Variants in PKD2L1 observed in about 807,000 individuals in gnomAD.
PKD2L1 encodes polycystin 2 like 1, transient receptor potential cation channel.
In PKD2L1, 77 loss-of-function variants were observed where a neutral mutation model predicts 93.0. That is an observed-to-expected ratio of 0.83 (90% CI 0.69 to 1.00). The LOEUF is 1.00. Among genes scored for constraint, PKD2L1 ranks in the 50% least tolerant of loss-of-function variants. PKD2L1 has a pLI of 0.00. For synonymous variants in PKD2L1, 390 were observed against 388.0 expected, an observed-to-expected ratio of 1.01 and a Z score of -0.06; for missense variants, 977 against 990.9, an observed-to-expected ratio of 0.99 and a Z score of 0.19.
intron 2 of PKD2L1, among the ~76,000 whole-genome samples, chr10:100,328,791 GTTGGC>G (rs1849436083): frequency 6.6e-6 from 1 of 152,198 alleles, no homozygotes; most frequent in African/African-American, 2.4e-5. Flanking sequence ...GTTTCGCCAT[GTTGGC>G]CAAGCTGGTC....
intron 7 of PKD2L1, among the ~76,000 whole-genome samples, chr10:100,295,897 G>A (rs1302264487): frequency 4.0e-5 from 6 of 151,654 alleles, no homozygotes; most frequent in South Asian, 2.1e-4. Context: ...TTAGCCAGGC[G>A]TGGTGGTGGG....
intron 7 of PKD2L1, 73 bp downstream of exon 7, chr10:100,296,046 AAAG>A: frequency 7.1e-7 from 1 of 1,401,968 alleles, no homozygotes; most frequent in Non-Finnish European, 9.8e-7. Flanking sequence ...AAAAAAAAAA[AAAG>A]AAAAAAAAGA....
Position 100,297,523 on chromosome 10 carries a change from A to T in PKD2L1, c.815T>A (p.Leu272Gln). 1 of 1,614,152 alleles carries T rather than the reference A, an allele frequency of 6.2e-7. No individual in the cohort carries two copies. Among genetic ancestry groups the T allele is most frequent in the Non-Finnish European group, 8.5e-7 (1 of 1,180,024 alleles). Reference protein sequence around the residue: ...LTSYSGGGYYLDLPGSRQGSA... With the variant: ...LTSYSGGGYYQDLPGSRQGSA... ...ACCCTGTCGGGATCCTGGAAGGTCC[A>T]GGTAGTAGCCACCTCCGCTGTAGCT... The change falls in exon 5 of 16, where the codon CTG becomes CAG. Residue 272 changes from leucine to glutamine, a missense_variant. Physicochemically the swap from Leu to Gln is moderately radical, Grantham distance 113. Coordinates refer to ENST00000318222, the MANE Select transcript of PKD2L1 (RefSeq NM_016112.3).
intron 2 of PKD2L1, among the ~76,000 whole-genome samples, chr10:100,311,675 C>T (rs1848937029): frequency 6.6e-6 from 1 of 152,144 alleles, no homozygotes; most frequent in Non-Finnish European, 1.5e-5. Flanking sequence ...TTCCCTGCCC[C>T]TAATATGTGA....
chr10:100,317,915 T>A (rs1849136434), intron 2 of PKD2L1, among the ~76,000 whole-genome samples: 1 of 151,604 alleles, frequency 6.6e-6, no homozygotes, highest in South Asian at 2.1e-4. Context: ...CCATCTCTAC[T>A]AAAAAAAACC....
chr10:100,323,427 C>T (rs535583116), intron 2 of PKD2L1, among the ~76,000 whole-genome samples: 71 of 152,198 alleles, frequency 4.7e-4, no homozygotes, highest in Non-Finnish European at 8.1e-4. Flanking sequence ...TGCCACCACA[C>T]GCGACTAATT....
intron 2 of PKD2L1, among the ~76,000 whole-genome samples, chr10:100,319,417 T>G (rs1849179313): frequency 1.3e-5 from 2 of 152,244 alleles, no homozygotes; most frequent in Admixed American, 6.5e-5. Context: ...GCTCTTTCCA[T>G]TATACAACTG....
chr10:100,293,461 G>A (rs1351345271), intron 9 of PKD2L1, 82 bp from the exon 10 acceptor site: 4 of 896,302 alleles, frequency 4.5e-6, no homozygotes, highest in Non-Finnish European at 7.5e-6. Flanking sequence ...TAATGTCCAA[G>A]ACACGTGTTC....
chr10:100,317,718 G>A (rs1849131411), intron 2 of PKD2L1, among the ~76,000 whole-genome samples: 1 of 152,092 alleles, frequency 6.6e-6, no homozygotes, highest in Admixed American at 6.5e-5. Flanking sequence ...ATGTTTCGGG[G>A]TAAGAGAGAA....
At chr10:100,302,280 C>CAT (rs57142312) in intron 2 of PKD2L1, among the ~76,000 whole-genome samples, 2,997 of 150,788 alleles carry the variant, frequency 0.02, 77 homozygotes, top group African/African-American at 0.065. Flanking sequence ...CACACACACA[C>CAT]ATATCAATTA....
intron 2 of PKD2L1, among the ~76,000 whole-genome samples, chr10:100,321,894 G>GCAAGCAAGGAA (rs1367238656): frequency 4.4e-3 from 7 of 1,586 alleles, no homozygotes; most frequent in Admixed American, 0.014. Context: ...GAGGGAGGGA[G>GCAAGCAAGGAA]GGAAGGAAGC....
rs779130225 is a variant in PKD2L1, at chr10:100,298,808, T to C, written c.485A>G (p.Gln162Arg). ...ATACAAACTGTCCAGTAGTGGGCCC[T>C]GGGCAAACTGAACCACAAGCTGGCT... ...SSMADFWDFA[Q>R]GPLLDSLYWT... Residue 162 changes from glutamine to arginine, a missense_variant, in exon 4 of 16, where the codon CAG becomes CGG. Coordinates refer to ENST00000318222, the MANE Select transcript of PKD2L1 (RefSeq NM_016112.3). 1.2e-6 allele frequency: 2 copies of C among 1,610,400 alleles called. No homozygotes were observed. The highest frequency in any genetic ancestry group is 1.7e-6 in the Non-Finnish European group (2 of 1,178,124).
At chr10:100,313,838 G>A (rs558666185) in intron 2 of PKD2L1, among the ~76,000 whole-genome samples, 3 of 152,072 alleles carry the variant, frequency 2.0e-5, no homozygotes, top group African/African-American at 2.4e-5. Context: ...AAGACTTTAC[G>A]CAGACAGATT....
intron 2 of PKD2L1, among the ~76,000 whole-genome samples, chr10:100,309,540 T>C (rs1485786248): frequency 6.6e-6 from 1 of 152,200 alleles, no homozygotes; most frequent in East Asian, 1.9e-4. Context: ...ATATGAGGTA[T>C]CACACCTCTC....
At chr10:100,325,171 T>C (rs1336218707) in intron 2 of PKD2L1, among the ~76,000 whole-genome samples, 5 of 152,244 alleles carry the variant, frequency 3.3e-5, no homozygotes, top group African/African-American at 1.2e-4. Flanking sequence ...CATTTGCTTA[T>C]GTACCGTGAC....
In PKD2L1 at chr10:100,296,134, G is replaced by A. The variant is rs779603220; in HGVS notation, c.1344C>T (p.Phe448=). ...YNNMNAVNLF[F]AWIKIFKYIS... ...GAATCCCAGGTACCTTGATCCAGGC[G>A]AAGAAGAGGTTGACAGCATTCATGT... The change falls in exon 7 of 16, where the codon TTC becomes TTT. Residue 448 remains phenylalanine, a synonymous_variant. Coordinates refer to ENST00000318222, the MANE Select transcript of PKD2L1 (RefSeq NM_016112.3). The A allele has an allele frequency of 2.7e-5, 44 of 1,609,474 alleles. 1 individual carries two copies. Among genetic ancestry groups the A allele is most frequent in the South Asian group, 4.4e-5 (4 of 90,036 alleles).
intron 2 of PKD2L1, among the ~76,000 whole-genome samples, chr10:100,314,519 T>C (rs533724184): frequency 2.0e-5 from 3 of 152,262 alleles, no homozygotes; most frequent in South Asian, 4.2e-4. Flanking sequence ...TTCTCTGCAG[T>C]GTGATTTATC....
chr10:100,329,742 AC>A, intron 1 of PKD2L1, 126 bp downstream of exon 1: 1 of 671,862 alleles, frequency 1.5e-6, no homozygotes. Flanking sequence ...CAATTCATAC[AC>A]CCCAAAGTGA....
chr10:100,302,457 G>A (rs1440801075), intron 2 of PKD2L1, among the ~76,000 whole-genome samples: 1 of 151,978 alleles, frequency 6.6e-6, no homozygotes, highest in African/African-American at 2.4e-5. Flanking sequence ...AGCACTGTGG[G>A]TGGTGGAGGT....
Sources: gnomAD v4.1 joint callset for allele counts (sites outside exome capture counted in the v4.1 genomes callset) on GRCh38, gnomAD v4.1.1 for gene constraint, MANE v1.5 for transcripts, NCBI Gene and HGNC (gene_info 2026-07-23, HGNC 2026-07-21) for gene names.